The following CACNB1 variants were observed in gnomAD, a reference collection of about 807,000 sequenced individuals.
The protein encoded by CACNB1 is voltage-dependent L-type calcium channel subunit beta-1.
CACNB1 carries 29 observed loss-of-function variants against 71.6 expected under a neutral mutation model. The ratio of observed to expected loss-of-function variants is 0.40; its 90% CI spans 0.30 to 0.55. The LOEUF (loss-of-function observed/expected upper bound fraction) is 0.55. CACNB1 is among the 20% of genes least tolerant of loss of function. The pLI, the probability that CACNB1 is intolerant of heterozygous loss-of-function variation, is 0.38. For synonymous variants in CACNB1, 300 were observed against 319.6 expected (o/e 0.94, Z 0.65); for missense variants, 623 against 801.8 (o/e 0.78, Z 2.69).
chr17:39,190,679 G>A (rs1170647562), intron 3 of CACNB1, among the ~76,000 whole-genome samples: 3 of 151,262 alleles, frequency 2.0e-5, no homozygotes, highest in Admixed American at 6.6e-5. Flanking sequence ...CCGCCCAACC[G>A]GGCCTCCCAA....
Position 39,175,685 on chromosome 17 carries a change from A to C in CACNB1, c.1333-28T>G. On this transcript the variant is annotated intron_variant, in intron 13 of 13. Coordinates refer to ENST00000394303, the MANE Select transcript of CACNB1 (RefSeq NM_000723.5). This position sits in a 1 kb window ranked among gnomAD's most constrained non-coding sequence, Gnocchi z 4.7. ...GGTTAGCAGACGGACAGCACACACC[A>C]TGCAGATCAGGCAGGGGTGAGAAAA... 6.7e-7 allele frequency: 1 copy of C among 1,490,386 alleles called. No homozygotes were observed. Among genetic ancestry groups the C allele is most frequent in the Non-Finnish European group, 9.1e-7 (1 of 1,103,350 alleles). The allele number at this position is 1,490,386 out of a possible 1,614,324, so 92.3% of individuals were successfully genotyped here.
chr17:39,177,132 A>G (rs577004117), intron 13 of CACNB1: 6 of 1,428,836 alleles, frequency 4.2e-6, no homozygotes, highest in Non-Finnish European at 5.5e-6. Context: ...CAGACACCAG[A>G]AGCTGCCGCT....
chr17:39,184,410 A>C, intron 8 of CACNB1, 27 bp from the exon 9 acceptor site: 1 of 548,224 alleles, frequency 1.8e-6, no homozygotes, highest in Non-Finnish European at 3.5e-6. Flanking sequence ...GTGGGGAGGG[A>C]GGGAGGAGAA....
At chr17:39,191,773 G>T in intron 2 of CACNB1, 180 bp from the exon 3 acceptor site, 1 of 588,420 alleles carries the variant, frequency 1.7e-6, no homozygotes. Flanking sequence ...GATTTCTCAG[G>T]CCCCTGGGGA....
rs778343029 is a variant in CACNB1, at chr17:39,186,752, T to C, written c.551+41A>G. 1.2e-6 allele frequency: 2 copies of C among 1,611,246 alleles called. No individual in the cohort carries two copies. Among genetic ancestry groups the C allele is most frequent in the Admixed American group, 3.3e-5 (2 of 59,962 alleles). ...CTAGTCCAGGCTGTATGGCCTCTCC[T>C]GGGGTTGGCAGCATCCCCTTCCCCT... is the stretch of plus-strand genomic sequence containing the variant. On this transcript the variant is annotated intron_variant, in intron 5 of 13. Coordinates refer to ENST00000394303, the MANE Select transcript of CACNB1 (RefSeq NM_000723.5). The surrounding 1 kb of genome is among the most constrained non-coding windows in gnomAD (Gnocchi z 4.1).
At chr17:39,181,549 A>G (rs1377723512) in intron 11 of CACNB1, among the ~76,000 whole-genome samples, 1 of 152,226 alleles carries the variant, frequency 6.6e-6, no homozygotes, top group Non-Finnish European at 1.5e-5. Context: ...TAGAAGGTCC[A>G]GGCTGCCTGG....
intron 2 of CACNB1, chr17:39,193,402 T>C (rs16531): frequency 0.27 from 110,969 of 416,430 alleles, 16,872 homozygotes; most frequent in Non-Finnish European, 0.33. Context: ...TCAGCTTTCC[T>C]GAGAGGCTGT....
intron 11 of CACNB1, among the ~76,000 whole-genome samples, chr17:39,179,898 G>A (rs1210335107): frequency 6.7e-6 from 1 of 149,124 alleles, no homozygotes; most frequent in South Asian, 2.1e-4. Context: ...GACAGAACAA[G>A]ACTCTGTCTA....
chr17:39,185,063 G>A (rs2045899148), intron 7 of CACNB1, 68 bp downstream of exon 7: 2 of 1,401,660 alleles, frequency 1.4e-6, no homozygotes, highest in South Asian at 2.3e-5. Context: ...GTGGGAATGG[G>A]TGTTAGAAGG....
chr17:39,173,630 T>A lies in CACNB1; in HGVS notation c.*1563A>T, dbSNP rs1055947935. On this transcript the variant is annotated 3_prime_UTR_variant, in exon 14 of 14. Coordinates refer to ENST00000394303, the MANE Select transcript of CACNB1 (RefSeq NM_000723.5). ...CAAGCAGCTCCTGGCTTGGGCACAA[T>A]ACATCAGAGGGCCAAAATCAAAGGA... 6.6e-6 allele frequency: 1 copy of A among 152,240 alleles called. No homozygotes were observed. The highest frequency in any genetic ancestry group is 2.4e-5 in the African/African-American group (1 of 41,394). The allele number at this position is 152,240 out of a possible 1,614,324, so 9.4% of individuals were successfully genotyped here.
At chr17:39,196,561 G>C (rs2046203819) in intron 1 of CACNB1, among the ~76,000 whole-genome samples, 1 of 152,132 alleles carries the variant, frequency 6.6e-6, no homozygotes, top group Non-Finnish European at 1.5e-5. Flanking sequence ...CTTGGAGAAG[G>C]ACACTCCCAA....
At chr17:39,197,261 A>C in intron 1 of CACNB1, 151 bp downstream of exon 1, 1 of 463,260 alleles carries the variant, frequency 2.2e-6, no homozygotes. Flanking sequence ...GCGCCCATCA[A>C]TCACAACCTG....
intron 11 of CACNB1, chr17:39,182,875 A>G (rs1597695261): frequency 3.9e-6 from 3 of 777,808 alleles, no homozygotes; most frequent in Non-Finnish European, 4.7e-6. Flanking sequence ...TTCCAAGTTC[A>G]ATAAAAAACA....
chr17:39,175,149 C>T lies in CACNB1; in HGVS notation c.*44G>A. 6.7e-7 allele frequency: 1 copy of T among 1,501,888 alleles called. No homozygotes were observed. The highest frequency in any genetic ancestry group is 9.1e-7 in the Non-Finnish European group (1 of 1,097,920). The allele number at this position is 1,501,888 out of a possible 1,614,324, so 93.0% of individuals were successfully genotyped here. A position where few individuals can be genotyped will look rare whatever the true frequency, so the allele number is the denominator to read the frequency against. On this transcript the variant is annotated 3_prime_UTR_variant, in exon 14 of 14. Transcript: ENST00000394303. This position sits in a 1 kb window ranked among gnomAD's most constrained non-coding sequence, Gnocchi z 4.7. ...TGTGAGCCCCTCGCTCCCTCCCCTCCCCTGGGCTCAGAGCCCTTCCTCCCG... is the reference window on the plus strand; with the variant it reads ...TGTGAGCCCCTCGCTCCCTCCCCTCTCCTGGGCTCAGAGCCCTTCCTCCCG...
Position 39,184,358 on chromosome 17 carries a change from A to ATT in CACNB1, c.754_755insAA (p.Leu252Ter). 1 of 1,549,002 alleles carries ATT rather than the reference A, an allele frequency of 6.5e-7. No individual in the cohort carries two copies. Among genetic ancestry groups the ATT allele is most frequent in the Non-Finnish European group, 8.7e-7 (1 of 1,144,464 alleles). The stretch of plus-strand genomic sequence containing the variant: ...AAACCGATGCTTCAAGAAGTCAAAT[A>ATT]AAGCTTTCTGCATCATGTCTGTAAC... The part of the protein sequence containing the change: ...YEVTDMMQKA[L>*]FDFLKHRFDG... Residue 252 changes from leucine (L) to a stop codon, truncating the protein, a stop_gained and frameshift_variant, in exon 9 of 14, where the codon TTA becomes TAATA. Transcript: ENST00000394303. LOFTEE classifies it high-confidence loss of function.
intron 1 of CACNB1, 122 bp from the exon 2 acceptor site, chr17:39,195,092 C>T (rs2046175182): frequency 4.6e-6 from 3 of 653,828 alleles, no homozygotes; most frequent in East Asian, 2.8e-5. Context: ...CCTCCACCCC[C>T]CTGCACATTC....
In CACNB1 at chr17:39,186,782, C is replaced by A. The variant is rs540751065; in HGVS notation, c.551+11G>T. ...TTGGCAGCATCCCCTTCCCCTGCCC[C>A]ACCCAGACACCTGGAGCCGAGGCGG... On this transcript the variant is annotated intron_variant, in intron 5 of 13. Transcript: ENST00000394303. This position sits in a 1 kb window ranked among gnomAD's most constrained non-coding sequence, Gnocchi z 4.1. 852 of 1,613,474 alleles carry A rather than the reference C, an allele frequency of 5.3e-4. 11 individuals are homozygous for A. In the South Asian group the frequency reaches 8.8e-3, roughly 17 times the overall value.
intron 11 of CACNB1, among the ~76,000 whole-genome samples, chr17:39,179,557 C>T (rs2045692330): frequency 1.4e-5 from 2 of 144,588 alleles, no homozygotes; most frequent in African/African-American, 5.2e-5. Flanking sequence ...CCAACCTGAG[C>T]GACAGAGTGA....
chr17:39,191,849 T>A (rs2046088570), intron 2 of CACNB1: 3 of 481,296 alleles, frequency 6.2e-6, no homozygotes, highest in Admixed American at 4.4e-5. Context: ...GGACAGCTGC[T>A]TGGGGCCCAG....
Sources: gnomAD v4.1 joint callset for allele counts (sites outside exome capture counted in the v4.1 genomes callset) on GRCh38, gnomAD v4.1.1 for gene constraint, Gnocchi (gnomAD v3.1) non-coding constraint, MANE v1.5 for transcripts, NCBI Gene and HGNC (gene_info 2026-07-23, HGNC 2026-07-21) for gene names.